The following SLCO3A1 variants were observed in gnomAD, a reference collection of about 807,000 sequenced individuals.
SLCO3A1 encodes PGE1 transporter.
In SLCO3A1, 27 loss-of-function variants were observed where a neutral mutation model predicts 63.1. The ratio of observed to expected loss-of-function variants is 0.43; its 90% CI spans 0.32 to 0.59. SLCO3A1 has a LOEUF of 0.59. SLCO3A1 is among the 20% of genes least tolerant of loss of function. The pLI is 0.09. For missense variants in SLCO3A1, 773 were observed against 945.8 expected, an observed-to-expected ratio of 0.82 and a Z score of 2.40; for synonymous variants, 473 against 409.9, an observed-to-expected ratio of 1.15 and a Z score of -1.86.
At chr15:91,960,235 G>A (rs183463481) in intron 2 of SLCO3A1, among the ~76,000 whole-genome samples, 15 of 152,176 alleles carry the variant, frequency 9.9e-5, no homozygotes, top group Admixed American at 3.3e-4. Context: ...TGCCCACCTC[G>A]GCCTCCCAGA....
At chr15:92,053,310 T>C (rs2046980151) in intron 2 of SLCO3A1, among the ~76,000 whole-genome samples, 1 of 152,088 alleles carries the variant, frequency 6.6e-6, no homozygotes, top group Non-Finnish European at 1.5e-5. Context: ...TATTTGACAA[T>C]AGATTTACAG....
rs372502087 is a variant in SLCO3A1, at chr15:92,076,530, G to T, written c.647-18351G>T. ...CTCTACTCATTTGCTCCTGCATGGGGCCTGGGCATGAATCCACGGATAGAC... is the reference window on the plus strand; with the variant it reads ...CTCTACTCATTTGCTCCTGCATGGGTCCTGGGCATGAATCCACGGATAGAC... On this transcript the variant is annotated intron_variant, in intron 2 of 9. Transcript: ENST00000318445. Among the ~76,000 whole-genome samples the T allele has an allele frequency of 4.6e-5, 7 of 152,296 alleles. No homozygotes were observed. The East Asian group carries it at 1.2e-3, about 25-fold the overall frequency.
chr15:92,131,483 G>T lies in SLCO3A1; in HGVS notation c.1512+2994G>T, dbSNP rs1210682847. Among the ~76,000 whole-genome samples, 3 of 143,136 alleles carry T rather than the reference G, an allele frequency of 2.1e-5. 1 individual carries two copies. Among genetic ancestry groups the T allele is most frequent in the Non-Finnish European group, 4.7e-5 (3 of 64,432 alleles). The allele number at this position is 143,136 out of a possible 152,430, so 93.9% of individuals were successfully genotyped here. A position where few individuals can be genotyped will look rare whatever the true frequency, so the allele number is the denominator to read the frequency against. On this transcript the variant is annotated intron_variant, in intron 7 of 9. Coordinates refer to ENST00000318445, the MANE Select transcript of SLCO3A1 (RefSeq NM_013272.4). ...GGGTTCAAGTGATTCTCCTGCCTCA[G>T]CCTCCCAAGTAGCTGGGATTATAGG...
rs368486927 is a variant in SLCO3A1 at position 92,018,524 on chromosome 15, C to T, written c.647-76357C>T. On this transcript the variant is annotated intron_variant, in intron 2 of 9. Coordinates refer to ENST00000318445, the MANE Select transcript of SLCO3A1 (RefSeq NM_013272.4). ...CCTTGTGATACTGCCACTTCTCTTC[C>T]GCAGGGATTGGAAGCTCTGCATTTC... Among the ~76,000 whole-genome samples the T allele has an allele frequency of 3.9e-5, 6 of 152,322 alleles. No individual in the cohort carries two copies. In the East Asian group the frequency reaches 5.8e-4, roughly 15 times the overall value.
At position 91,948,438 on chromosome 15, in the gene SLCO3A1, T is replaced by C. The variant is rs556269625; in HGVS notation, c.646+31980T>C. Among the ~76,000 whole-genome samples, 1 of 152,048 alleles carries C rather than the reference T, an allele frequency of 6.6e-6. No homozygotes were observed. Among genetic ancestry groups the C allele is most frequent in the Non-Finnish European group, 1.5e-5 (1 of 67,972 alleles). On this transcript the variant is annotated intron_variant, in intron 2 of 9. Coordinates refer to ENST00000318445, the MANE Select transcript of SLCO3A1 (RefSeq NM_013272.4). This position sits in a 1 kb window ranked among gnomAD's most constrained non-coding sequence, Gnocchi z 4.8. The stretch of plus-strand genomic sequence containing the variant: ...GATAAGCCTACAGGCTCTGTAGGAG[T>C]GCCGGCATGCACACAGCACCACCTG...
In SLCO3A1 at chr15:92,053,759, A is replaced by G. The variant is rs1223424055; in HGVS notation, c.647-41122A>G. Among the ~76,000 whole-genome samples, 20 of 151,062 alleles carry G rather than the reference A, an allele frequency of 1.3e-4. No individual in the cohort carries two copies. The East Asian group carries it at 1.7e-3, about 13-fold the overall frequency. The stretch of plus-strand genomic sequence containing the variant: ...TATGGGTTTGGAAGAGGAAGGACAC[A>G]GAGGTAAATTGTCATTCTCATCCCA... On this transcript the variant is annotated intron_variant, in intron 2 of 9. Coordinates refer to ENST00000318445, the MANE Select transcript of SLCO3A1 (RefSeq NM_013272.4).
At chr15:91,966,470 C>G (rs1900666330) in intron 2 of SLCO3A1, among the ~76,000 whole-genome samples, 1 of 152,190 alleles carries the variant, frequency 6.6e-6, no homozygotes, top group South Asian at 2.1e-4. Context: ...GTGCACAATG[C>G]AACATCACTG....
intron 6 of SLCO3A1, among the ~76,000 whole-genome samples, chr15:92,127,108 T>G (rs1048991021): frequency 6.6e-6 from 1 of 152,340 alleles, no homozygotes; most frequent in East Asian, 1.9e-4. Flanking sequence ...TTTCTGTATG[T>G]CTGTGTACAA....
intron 1 of SLCO3A1, among the ~76,000 whole-genome samples, chr15:91,888,713 T>G (rs189462864): frequency 6.6e-4 from 100 of 152,266 alleles, no homozygotes; most frequent in Middle Eastern, 6.8e-3. Flanking sequence ...CTGGGTACAG[T>G]GGCTCATACC....
intron 2 of SLCO3A1, among the ~76,000 whole-genome samples, chr15:91,995,124 G>A (rs756400964): frequency 2.6e-5 from 4 of 152,158 alleles, no homozygotes; most frequent in Non-Finnish European, 5.9e-5. Context: ...ACTAATTTAC[G>A]AAGTGGAGCG....
At chr15:92,083,336 T>C (rs983508849) in intron 2 of SLCO3A1, among the ~76,000 whole-genome samples, 1 of 152,208 alleles carries the variant, frequency 6.6e-6, no homozygotes, top group Admixed American at 6.5e-5. Context: ...TGGTGCTGTC[T>C]CTGTCACTGC....
chr15:92,022,208 A>G (rs1213139425), intron 2 of SLCO3A1, among the ~76,000 whole-genome samples: 4 of 152,164 alleles, frequency 2.6e-5, no homozygotes, highest in Admixed American at 2.0e-4. Flanking sequence ...TTAGAGTTGC[A>G]TTTTTTTCCA....
chr15:92,070,050 C>T (rs1030084733), intron 2 of SLCO3A1, among the ~76,000 whole-genome samples: 1 of 152,194 alleles, frequency 6.6e-6, no homozygotes, highest in Admixed American at 6.5e-5. Flanking sequence ...CGTTCAGAAC[C>T]GACTGCTTCA....
At chr15:92,021,889 C>T (rs2046513877) in intron 2 of SLCO3A1, among the ~76,000 whole-genome samples, 1 of 152,070 alleles carries the variant, frequency 6.6e-6, no homozygotes, top group Admixed American at 6.6e-5. Context: ...CTGTGCCGTT[C>T]CACCCAGCCT....
At chr15:92,011,582 A>G (rs1393014766) in intron 2 of SLCO3A1, among the ~76,000 whole-genome samples, 2 of 152,090 alleles carry the variant, frequency 1.3e-5, no homozygotes, top group Non-Finnish European at 2.9e-5. Flanking sequence ...AGAATCCCCC[A>G]CTTCCTTGAC....
intron 2 of SLCO3A1, among the ~76,000 whole-genome samples, chr15:92,006,554 A>G (rs2046315060): frequency 1.3e-5 from 2 of 151,768 alleles, no homozygotes; most frequent in Non-Finnish European, 1.5e-5. Flanking sequence ...GATCTGGCAT[A>G]TGTCTGCCTG....
chr15:92,023,535 C>T (rs781179876), intron 2 of SLCO3A1, among the ~76,000 whole-genome samples: 18 of 151,522 alleles, frequency 1.2e-4, no homozygotes, highest in Non-Finnish European at 2.2e-4. Flanking sequence ...GTGGTGGGAT[C>T]TCAGCTCACT....
intron 7 of SLCO3A1, 39 bp from the exon 8 acceptor site, chr15:92,146,945 A>G (rs1410981926): frequency 6.4e-7 from 1 of 1,552,398 alleles, no homozygotes; most frequent in Non-Finnish European, 8.7e-7. Flanking sequence ...GGAAACCGGA[A>G]GTACCCCCAG....
intron 1 of SLCO3A1, among the ~76,000 whole-genome samples, chr15:91,907,172 C>T (rs773266903): frequency 2.6e-5 from 4 of 152,066 alleles, no homozygotes; most frequent in African/African-American, 7.2e-5. Context: ...ATGGCAGAGA[C>T]GGAGTCTTAA....
Sources: gnomAD v4.1 joint callset for allele counts (sites outside exome capture counted in the v4.1 genomes callset) on GRCh38, gnomAD v4.1.1 for gene constraint, Gnocchi (gnomAD v3.1) non-coding constraint, MANE v1.5 for transcripts, NCBI Gene and HGNC (gene_info 2026-07-23, HGNC 2026-07-21) for gene names.